LAMP5: variants seen among roughly 807,000 people sequenced by gnomAD.
LAMP5 encodes lysosome associated membrane protein 5, also known as lysosome-associated membrane glycoprotein 5.
Under a neutral mutation model 30.2 loss-of-function variants are expected in LAMP5, and 36 were observed. The observed-to-expected ratio is 1.19, with a 90% CI of 0.91 to 1.57. The LOEUF is 1.57. Ranked by LOEUF, LAMP5 falls within the 40% of genes most tolerant of loss-of-function variation. LAMP5 has a pLI of 0.00. For synonymous variants in LAMP5, 149 were observed against 134.6 expected, an observed-to-expected ratio of 1.11 and a Z score of -0.74; for missense variants, 377 against 354.9, an observed-to-expected ratio of 1.06 and a Z score of -0.50.
At chr20:9,515,865 T>C in intron 2 of LAMP5, 135 bp from the exon 3 acceptor site, 3 of 1,099,608 alleles carry the variant, frequency 2.7e-6, no homozygotes, top group East Asian at 5.4e-5. Context: ...TCTAACCGCA[T>C]GTTCCCGGAA....
At chr20:9,528,674 C>T (rs556109312) in intron 5 of LAMP5, among the ~76,000 whole-genome samples, 121 of 152,220 alleles carry the variant, frequency 7.9e-4, no homozygotes, top group African/African-American at 2.7e-3. Flanking sequence ...TTAATGCTTT[C>T]GTACTTATAT....
intron 1 of LAMP5, 33 bp downstream of exon 1, chr20:9,514,949 CG>C: frequency 6.3e-7 from 1 of 1,594,118 alleles, no homozygotes; most frequent in East Asian, 2.2e-5. Context: ...GGAGAGAGGA[CG>C]GGCACTCTTT....
At position 9,529,851 on chromosome 20, in the gene LAMP5, C is replaced by A; in HGVS notation, c.*31C>A. Reference sequence around the variant, plus strand: ...GTTAGGCAGGCACCCCCTATTCCTGCTCCCCCAACTGGATCAGGTAGAACA... The same window carrying A: ...GTTAGGCAGGCACCCCCTATTCCTGATCCCCCAACTGGATCAGGTAGAACA... On this transcript the variant is annotated 3_prime_UTR_variant, in exon 6 of 6. Transcript: ENST00000246070. The A allele has an allele frequency of 1.9e-6, 3 of 1,602,928 alleles. No individual in the cohort carries two copies. Among genetic ancestry groups the A allele is most frequent in the Non-Finnish European group, 2.6e-6 (3 of 1,170,856 alleles).
intron 5 of LAMP5, among the ~76,000 whole-genome samples, chr20:9,519,227 GA>G (rs200860418): frequency 6.6e-6 from 1 of 152,132 alleles, no homozygotes; most frequent in African/African-American, 2.4e-5. Context: ...AAAAAAATCA[GA>G]AAAAATTTTG....
At chr20:9,524,660 A>G (rs1263888536) in intron 5 of LAMP5, among the ~76,000 whole-genome samples, 1 of 151,744 alleles carries the variant, frequency 6.6e-6, no homozygotes, top group Non-Finnish European at 1.5e-5. Flanking sequence ...CAGAATTCAG[A>G]ATATTTTAGA....
At chr20:9,519,560 T>A (rs2045065908) in intron 5 of LAMP5, among the ~76,000 whole-genome samples, 1 of 152,270 alleles carries the variant, frequency 6.6e-6, no homozygotes, top group South Asian at 2.1e-4. Flanking sequence ...TAACAGTTTT[T>A]AAAAATCTTT....
intron 1 of LAMP5, 59 bp downstream of exon 1, chr20:9,514,975 C>G (rs769603754): frequency 1.4e-6 from 2 of 1,473,504 alleles, no homozygotes; most frequent in African/African-American, 1.4e-5. Flanking sequence ...AGAACAGAGC[C>G]GGCAAAGTAA....
intron 5 of LAMP5, among the ~76,000 whole-genome samples, chr20:9,526,017 A>G (rs1603174389): frequency 6.6e-6 from 1 of 152,198 alleles, no homozygotes; most frequent in African/African-American, 2.4e-5. Flanking sequence ...CTGGGTAACT[A>G]TGAAATTGCT....
chr20:9,526,911 T>C (rs56124783), intron 5 of LAMP5, among the ~76,000 whole-genome samples: 20,693 of 120,104 alleles, frequency 0.17, 2,226 homozygotes, highest in East Asian at 0.33. Context: ...TACACACACA[T>C]ACAAAACAGT....
At chr20:9,515,913 C>G (rs1244191385) in intron 2 of LAMP5, 87 bp from the exon 3 acceptor site, 17 of 1,390,394 alleles carry the variant, frequency 1.2e-5, no homozygotes, top group Non-Finnish European at 1.6e-5. Flanking sequence ...CCCAAGCGTG[C>G]AACCCAGAGT....
At chr20:9,524,369 GA>G (rs1234279887) in intron 5 of LAMP5, among the ~76,000 whole-genome samples, 2 of 151,970 alleles carry the variant, frequency 1.3e-5, no homozygotes, top group African/African-American at 4.8e-5. Flanking sequence ...GAATAGAATA[GA>G]GCATAAATTA....
rs1338590371 is a variant in LAMP5 at position 9,515,461 on chromosome 20, G to T, written c.73G>T (p.Ala25Ser). Residue 25 changes from alanine to serine, a missense_variant, in exon 2 of 6, where the codon GCT becomes TCT. By Grantham distance (99) the Ala-to-Ser change is moderately conservative (BLOSUM62 1). Transcript: ENST00000246070. Reference sequence around the variant, plus strand: ...TTTTGTTTGTTCCGCAGATACAATGGCTCAAATCATGGCAGAACAAGAAGT... The same window carrying T: ...TTTTGTTTGTTCCGCAGATACAATGTCTCAAATCATGGCAGAACAAGAAGT... The part of the protein sequence containing the change: ...RVLLMLFHTM[A>S]QIMAEQEVEN... 6.2e-7 allele frequency: 1 copy of T among 1,613,674 alleles called. No individual in the cohort carries two copies. Among genetic ancestry groups the T allele is most frequent in the African/African-American group, 1.3e-5 (1 of 75,030 alleles).
chr20:9,521,066 G>A (rs1012708871), intron 5 of LAMP5, among the ~76,000 whole-genome samples: 2 of 152,158 alleles, frequency 1.3e-5, no homozygotes, highest in South Asian at 2.1e-4. Context: ...AGGATTAAAG[G>A]CACAATAAGC....
chr20:9,516,477 T>C lies in LAMP5; in HGVS notation c.475+116T>C, dbSNP rs923408308. On this transcript the variant is annotated intron_variant, in intron 4 of 5. Transcript: ENST00000246070. ...CCACGCTTTGAGGTCCCAGGCCAAG[T>C]CTTCCCTCGGCTTGCTCTTTAGGGC... The C allele has an allele frequency of 9.3e-6, 8 of 861,098 alleles. No homozygotes were observed. In the South Asian group the frequency reaches 1.2e-4, roughly 13 times the overall value. The allele number at this position is 861,098 out of a possible 1,614,324, so 53.3% of individuals were successfully genotyped here.
intron 5 of LAMP5, among the ~76,000 whole-genome samples, chr20:9,524,781 CAT>C (rs1443925336): frequency 4.6e-5 from 7 of 152,134 alleles, no homozygotes; most frequent in Non-Finnish European, 8.8e-5. Flanking sequence ...TGCGGTGAAA[CAT>C]GTGAAACGTC....
At chr20:9,517,831 A>G (rs561377475) in intron 4 of LAMP5, among the ~76,000 whole-genome samples, 2 of 152,108 alleles carry the variant, frequency 1.3e-5, no homozygotes, top group Non-Finnish European at 2.9e-5. Flanking sequence ...GTTCCAAATT[A>G]ATATTGAAAG....
chr20:9,522,461 T>A (rs1049970087), intron 5 of LAMP5, among the ~76,000 whole-genome samples: 1 of 152,220 alleles, frequency 6.6e-6, no homozygotes, highest in African/African-American at 2.4e-5. Flanking sequence ...CCCTACATAG[T>A]TGGTCCTCAA....
At chr20:9,526,877 T>TATATATATATATATATATATATAC in intron 5 of LAMP5, among the ~76,000 whole-genome samples, 1 of 107,598 alleles carries the variant, frequency 9.3e-6, no homozygotes, top group South Asian at 3.0e-4. Flanking sequence ...TATATATATA[T>TATATATATATATATATATATATAC]ATATATATAT....
chr20:9,524,613 AAAAC>A (rs957478427), intron 5 of LAMP5, among the ~76,000 whole-genome samples: 332 of 146,032 alleles, frequency 2.3e-3, no homozygotes, highest in Middle Eastern at 7.0e-3. Context: ...AAAAAAAAAA[AAAAC>A]AAACAAAAAA....
Sources: gnomAD v4.1 joint callset for allele counts (sites outside exome capture counted in the v4.1 genomes callset) on GRCh38, gnomAD v4.1.1 for gene constraint, MANE v1.5 for transcripts, NCBI Gene and HGNC (gene_info 2026-07-23, HGNC 2026-07-21) for gene names.